The following EPHA7 variants were observed in gnomAD, a reference collection of about 807,000 sequenced individuals.
The protein encoded by EPHA7 is EPH receptor A7, also known as ephrin type-A receptor 7.
EPHA7 carries 25 observed loss-of-function variants against 112.6 expected under a neutral mutation model. That is an observed-to-expected ratio of 0.22 (90% CI 0.16 to 0.31). The LOEUF (loss-of-function observed/expected upper bound fraction) is 0.31. Ranked by LOEUF, EPHA7 falls within the 10% of genes least tolerant of loss-of-function variation. The probability of loss-of-function intolerance (pLI) is 1.00; values close to 1 mark genes in which losing one functional copy is unlikely to be tolerated. For missense variants in EPHA7, 962 were observed against 1,212.6 expected (o/e 0.79, Z 3.07); for synonymous variants, 437 against 406.5 (o/e 1.07, Z -0.90).
At chr6:93,360,801 C>T (rs937822843) in intron 3 of EPHA7, among the ~76,000 whole-genome samples, 21 of 151,992 alleles carry the variant, frequency 1.4e-4, no homozygotes, top group Non-Finnish European at 3.1e-4. Flanking sequence ...AACCTGAGTT[C>T]TTCCAATAAT....
chr6:93,254,669 T>C lies in EPHA7; in HGVS notation c.2510A>G (p.Tyr837Cys), dbSNP rs1770357260. 1 of 1,612,560 alleles carries C rather than the reference T, an allele frequency of 6.2e-7. No homozygotes were observed. Among genetic ancestry groups the C allele is most frequent in the Non-Finnish European group, 8.5e-7 (1 of 1,179,002 alleles). Residue 837 changes from tyrosine (Y) to cysteine (C), a missense_variant, in exon 14 of 17, where the codon TAT becomes TGT. By Grantham distance (194) the Tyr-to-Cys change is radical (BLOSUM62 -2). Around this residue, in one of 3 missense-constraint regions of EPHA7, gnomAD observed 746 missense variants for 889.2 expected, o/e 0.84. Transcript: ENST00000369303. ...TACATCTTGATTTGACATGTCCCAA[T>C]AAGGTCTTTCTCCATAAGACATAAC... is the stretch of plus-strand genomic sequence containing the variant. ...WEVMSYGERP[Y>C]WDMSNQDVIK...
chr6:93,251,091 A>G (rs943679368), intron 14 of EPHA7, among the ~76,000 whole-genome samples: 9 of 152,044 alleles, frequency 5.9e-5, no homozygotes, highest in African/African-American at 1.9e-4. Flanking sequence ...CTCATTTTCT[A>G]TTTCATTAAC....
intron 14 of EPHA7, 56 bp from the exon 15 acceptor site, chr6:93,247,041 C>A (rs938075199): frequency 1.5e-5 from 22 of 1,424,080 alleles, no homozygotes; most frequent in Non-Finnish European, 2.1e-5. Flanking sequence ...TTATAATAAA[C>A]CAAATTTCCT....
chr6:93,331,103 C>T (rs1451097292), intron 5 of EPHA7, among the ~76,000 whole-genome samples: 1 of 151,102 alleles, frequency 6.6e-6, no homozygotes, highest in Non-Finnish European at 1.5e-5. Flanking sequence ...ATTGCAGATG[C>T]CAAATTGTAA....
intron 5 of EPHA7, among the ~76,000 whole-genome samples, chr6:93,330,248 A>G (rs764367771): frequency 1.3e-5 from 2 of 151,380 alleles, no homozygotes; most frequent in Non-Finnish European, 3.0e-5. Flanking sequence ...TAGATTGATT[A>G]GCATATCCAT....
chr6:93,369,180 CCACACACA>C lies in EPHA7; in HGVS notation c.833-10777_833-10770del, dbSNP rs35708007. On this transcript the variant is annotated intron_variant, in intron 3 of 16. Transcript: ENST00000369303. The stretch of plus-strand genomic sequence containing the variant: ...AAAGAAAAGAAAAGAAAAATAAAGG[CCACACACA>C]CACACACACACACACACACACACAC... Among the ~76,000 whole-genome samples, 744 of 144,806 alleles carry C rather than the reference CCACACACA, an allele frequency of 5.1e-3. 4 individuals are homozygous for C. Among genetic ancestry groups the C allele is most frequent in the African/African-American group, 0.014 (545 of 38,980 alleles). The allele number at this position is 144,806 out of a possible 152,430, so 95.0% of individuals were successfully genotyped here. A position where few individuals can be genotyped will look rare whatever the true frequency, so the allele number is the denominator to read the frequency against.
At chr6:93,270,271 T>C (rs1193643588) in intron 6 of EPHA7, among the ~76,000 whole-genome samples, 2 of 151,522 alleles carry the variant, frequency 1.3e-5, no homozygotes, top group East Asian at 3.9e-4. Context: ...TGAAAATATT[T>C]TAAACATGAT....
At chr6:93,374,565 T>A (rs192752488) in intron 3 of EPHA7, among the ~76,000 whole-genome samples, 17 of 152,350 alleles carry the variant, frequency 1.1e-4, no homozygotes, top group African/African-American at 1.7e-4. Context: ...TGTATATTTA[T>A]AGTCATTGTA....
chr6:93,353,450 AT>A (rs1307243513), intron 5 of EPHA7, among the ~76,000 whole-genome samples: 1 of 152,134 alleles, frequency 6.6e-6, no homozygotes, highest in Admixed American at 6.6e-5. Flanking sequence ...GATAAGTCAT[AT>A]TTTTTACAGG....
chr6:93,352,843 C>A (rs1269109115), intron 5 of EPHA7, among the ~76,000 whole-genome samples: 1 of 152,038 alleles, frequency 6.6e-6, no homozygotes, highest in East Asian at 1.9e-4. Flanking sequence ...GAAGAGAAAA[C>A]CAAATACCAC....
At chr6:93,295,614 A>G (rs908749435) in intron 5 of EPHA7, among the ~76,000 whole-genome samples, 1 of 151,750 alleles carries the variant, frequency 6.6e-6, no homozygotes, top group African/African-American at 2.4e-5. Context: ...CTTTATAGAC[A>G]GGGCTTTCTG....
intron 5 of EPHA7, among the ~76,000 whole-genome samples, chr6:93,298,223 C>T (rs1291473770): frequency 6.6e-6 from 1 of 152,002 alleles, no homozygotes; most frequent in African/African-American, 2.4e-5. Flanking sequence ...AAGGTATCAA[C>T]GTTACTGAAT....
chr6:93,258,402 A>G (rs559903222), intron 10 of EPHA7, 118 bp from the exon 11 acceptor site: 2 of 1,113,350 alleles, frequency 1.8e-6, no homozygotes, highest in Admixed American at 2.5e-5. Context: ...AAAGCATTTT[A>G]AAATATTTTC....
At chr6:93,299,053 G>A (rs1772825677) in intron 5 of EPHA7, among the ~76,000 whole-genome samples, 1 of 151,986 alleles carries the variant, frequency 6.6e-6, no homozygotes, top group Admixed American at 6.6e-5. Flanking sequence ...TCAGCCGGGC[G>A]CGGTGGCTCA....
intron 3 of EPHA7, among the ~76,000 whole-genome samples, chr6:93,387,924 C>CAGACAGACAT: frequency 6.9e-6 from 1 of 145,682 alleles, no homozygotes; most frequent in East Asian, 2.1e-4. Context: ...GATAGATAGA[C>CAGACAGACAT]AGATAGATAG....
chr6:93,409,480 T>G lies in EPHA7; in HGVS notation c.832+1021A>C, dbSNP rs541002068. On this transcript the variant is annotated intron_variant, in intron 3 of 16. Coordinates refer to ENST00000369303, the MANE Select transcript of EPHA7 (RefSeq NM_004440.4). ...GGAAATGGAGGATGTCTGCACATACTAAGTTATCAAGAAAAATTAGTTATA... is the reference window on the plus strand; with the variant it reads ...GGAAATGGAGGATGTCTGCACATACGAAGTTATCAAGAAAAATTAGTTATA... Among the ~76,000 whole-genome samples the G allele has an allele frequency of 1.8e-3, 274 of 152,194 alleles. 1 individual carries two copies. Among genetic ancestry groups the G allele is most frequent in the Middle Eastern group, 0.01 (3 of 294 alleles).
intron 6 of EPHA7, among the ~76,000 whole-genome samples, chr6:93,270,884 C>T (rs1008204186): frequency 6.6e-6 from 1 of 151,692 alleles, no homozygotes; most frequent in African/African-American, 2.4e-5. Flanking sequence ...TTATTATTGT[C>T]TTTTAGTTGC....
intron 3 of EPHA7, among the ~76,000 whole-genome samples, chr6:93,387,769 A>T (rs1254778760): frequency 1.3e-5 from 2 of 152,048 alleles, no homozygotes; most frequent in African/African-American, 4.8e-5. Flanking sequence ...AAACCATCAG[A>T]TCTCATAAGA....
At chr6:93,251,495 T>A (rs1770209649) in intron 14 of EPHA7, among the ~76,000 whole-genome samples, 1 of 138,406 alleles carries the variant, frequency 7.2e-6, no homozygotes, top group Admixed American at 7.7e-5. Flanking sequence ...TAAAAATACT[T>A]TTTTCTTATG....
Sources: allele counts gnomAD v4.1 joint callset (sites outside exome capture counted in the v4.1 genomes callset), GRCh38; gene constraint gnomAD v4.1.1; regional missense constraint gnomAD v4.1.1; transcripts MANE v1.5; gene names NCBI Gene and HGNC (gene_info 2026-07-23, HGNC 2026-07-21).